The following RSRP1 variants were observed in gnomAD, a reference collection of about 807,000 sequenced individuals.
The protein encoded by RSRP1 is arginine/serine-rich protein 1.
A neutral mutation model predicts 33.0 loss-of-function variants in RSRP1; 37 were observed. The observed-to-expected ratio is 1.12, with a 90% CI of 0.86 to 1.48. RSRP1 has a LOEUF of 1.48. Ranked by LOEUF, RSRP1 falls within the 40% of genes most tolerant of loss-of-function variation. The pLI is 0.00. For missense variants in RSRP1, 402 were observed against 385.3 expected, an observed-to-expected ratio of 1.04 and a Z score of -0.36; for synonymous variants, 167 against 158.7, an observed-to-expected ratio of 1.05 and a Z score of -0.40.
Position 25,296,878 on chromosome 1 carries a change from A to T in RSRP1, c.-67+41100T>A, listed in dbSNP as rs1304250009. Among the ~76,000 whole-genome samples, 2 of 129,282 alleles carry T rather than the reference A, an allele frequency of 1.5e-5. 1 individual carries two copies. Among genetic ancestry groups the T allele is most frequent in the African/African-American group, 5.3e-5 (2 of 37,680 alleles). 84.8% of individuals were successfully genotyped at this position (129,282 alleles called of 152,430 possible). On this transcript the variant is annotated intron_variant, in intron 1 of 1. Coordinates refer to the RSRP1 transcript ENST00000561867. ...TCAATTCAGCCTCTTTTGTTTATAA[A>T]TTACGCAGTCTCAGGAAGTATCTTT...
rs1333382691 is a variant in RSRP1, at chr1:25,293,130, T to C, written c.-67+44848A>G. Among the ~76,000 whole-genome samples, 3 of 131,478 alleles carry C rather than the reference T, an allele frequency of 2.3e-5. 1 individual carries two copies. The highest frequency in any genetic ancestry group is 7.9e-5 in the African/African-American group (3 of 37,914). The allele number at this position is 131,478 out of a possible 152,430, so 86.3% of individuals were successfully genotyped here. ...GCTTGACTGATTCAAGAGCAGGAGA[T>C]GAGAAAGTGGAGACAGCATGCAGGG... On this transcript the variant is annotated intron_variant, in intron 1 of 1. Coordinates refer to the RSRP1 transcript ENST00000561867.
At position 25,322,225 on chromosome 1, in the gene RSRP1, AC is replaced by A. The variant is rs1644748189; in HGVS notation, c.-67+15752del. On this transcript the variant is annotated intron_variant, in intron 1 of 1. Transcript: ENST00000561867. ...GGATGAGACAGCTTTCACTGGCCAC[AC>A]TTCCCCTCCCCCTATCTGCAGTCCT... Among the ~76,000 whole-genome samples the A allele has an allele frequency of 1.5e-5, 2 of 132,024 alleles. 1 individual carries two copies. Among genetic ancestry groups the A allele is most frequent in the East Asian group, 3.9e-4 (2 of 5,134 alleles). 86.6% of individuals were successfully genotyped at this position (132,024 alleles called of 152,430 possible). A position where few individuals can be genotyped will look rare whatever the true frequency, so the allele number is the denominator to read the frequency against.
intron 1 of RSRP1, among the ~76,000 whole-genome samples, chr1:25,319,376 G>A (rs868684605): frequency 2.1e-4 from 28 of 131,298 alleles, no homozygotes; most frequent in African/African-American, 6.1e-4. Context: ...AGCACCTTGG[G>A]AAGCTGAGGT....
At position 25,287,050 on chromosome 1, in the gene RSRP1, A is replaced by G. The variant is rs55836302; in HGVS notation, c.-66-40021T>C. Among the ~76,000 whole-genome samples, 1,346 of 134,932 alleles carry G rather than the reference A, an allele frequency of 1.0e-2. 197 individuals are homozygous for G. Among genetic ancestry groups the G allele is most frequent in the African/African-American group, 0.031 (1,226 of 39,116 alleles). 88.5% of individuals were successfully genotyped at this position (134,932 alleles called of 152,430 possible). A position where few individuals can be genotyped will look rare whatever the true frequency, so the allele number is the denominator to read the frequency against. ...GGAGGCTATAGTGAGCCGAGATCGC[A>G]CCATTGCACTGTAGCCTGGGCGACA... On this transcript the variant is annotated intron_variant, in intron 1 of 1. Transcript: ENST00000561867.
chr1:25,277,113 A>C (rs1193474989), intron 1 of RSRP1, among the ~76,000 whole-genome samples: 1 of 132,928 alleles, frequency 7.5e-6, no homozygotes, highest in South Asian at 2.3e-4. Context: ...CCCTGCCATT[A>C]GTTGCAATAT....
At chr1:25,259,330 T>C (rs1270144232) in intron 1 of RSRP1, among the ~76,000 whole-genome samples, 1 of 152,026 alleles carries the variant, frequency 6.6e-6, no homozygotes, top group Non-Finnish European at 1.5e-5. Context: ...TGACCTCAAG[T>C]GATCTGCCTG....
At chr1:25,278,469 G>A (rs1641204335) in intron 1 of RSRP1, among the ~76,000 whole-genome samples, 1 of 131,412 alleles carries the variant, frequency 7.6e-6, no homozygotes, top group Admixed American at 7.4e-5. Flanking sequence ...GCAACAACTG[G>A]GCTGGGTTCA....
upstream of RSRP1, among the ~76,000 whole-genome samples, chr1:25,249,570 G>GAC (rs1639713244): frequency 6.6e-6 from 1 of 152,174 alleles, no homozygotes; most frequent in African/African-American, 2.4e-5. Context: ...TTGAACTCCT[G>GAC]ACCTCAAGTG....
chr1:25,313,702 C>G lies in RSRP1; in HGVS notation c.-67+24276G>C, dbSNP rs568796058. 3.0e-4 allele frequency among the ~76,000 whole-genome samples: 40 copies of G among 132,162 alleles called. No individual in the cohort carries two copies. In the East Asian group the frequency reaches 7.8e-3, roughly 26 times the overall value. The allele number at this position is 132,162 out of a possible 152,430, so 86.7% of individuals were successfully genotyped here. A position where few individuals can be genotyped will look rare whatever the true frequency, so the allele number is the denominator to read the frequency against. The stretch of plus-strand genomic sequence containing the variant: ...AAGAGAGGGGGAACTGGGACTATGC[C>G]TTTATGAAAAAGAGTGGTGGGAGAG... On this transcript the variant is annotated intron_variant, in intron 1 of 1. Transcript: ENST00000561867.
At chr1:25,247,115 A>T (rs1639513041) in intron 1 of RSRP1, 86 bp from the exon 2 acceptor site, 1 of 852,020 alleles carries the variant, frequency 1.2e-6, no homozygotes, top group African/African-American at 1.7e-5. Context: ...AACCTCCGGG[A>T]GGCGGAGCCA....
At position 25,314,735 on chromosome 1, in the gene RSRP1, G is replaced by A. The variant is rs187948473; in HGVS notation, c.-67+23243C>T. Among the ~76,000 whole-genome samples, 23 of 131,490 alleles carry A rather than the reference G, an allele frequency of 1.7e-4. 6 individuals carry two copies. The highest frequency in any genetic ancestry group is 3.6e-4 in the Non-Finnish European group (20 of 55,424). 86.3% of individuals were successfully genotyped at this position (131,490 alleles called of 152,430 possible). A position where few individuals can be genotyped will look rare whatever the true frequency, so the allele number is the denominator to read the frequency against. ...TGGACAGGCTGATCTTGGACTCCTG[G>A]CCTCAACTTTGGCCCACCTTGGCCT... On this transcript the variant is annotated intron_variant, in intron 1 of 1. Coordinates refer to the RSRP1 transcript ENST00000561867.
intron 3 of RSRP1, chr1:25,244,396 G>A (rs772765825): frequency 4.0e-5 from 51 of 1,289,218 alleles, no homozygotes; most frequent in Non-Finnish European, 5.2e-5. Context: ...TAAGTTTTCA[G>A]TGTGTGAACA....
At position 25,242,493 on chromosome 1, in the gene RSRP1, A is replaced by C; in HGVS notation, c.*96T>G. On this transcript the variant is annotated 3_prime_UTR_variant, in exon 5 of 5. Transcript: ENST00000243189. ...TGTGTTGGTTTTTAAATGCACAAGT[A>C]CCCCTGAATGGCTCAAAGGGATGGG... The C allele has an allele frequency of 1.4e-6, 1 of 697,898 alleles. No homozygotes were observed. Among genetic ancestry groups the C allele is most frequent in the Non-Finnish European group, 2.5e-6 (1 of 403,364 alleles). 43.2% of individuals were successfully genotyped at this position (697,898 alleles called of 1,614,324 possible).
chr1:25,287,889 AT>A (rs1642180502), intron 1 of RSRP1, among the ~76,000 whole-genome samples: 1 of 126,228 alleles, frequency 7.9e-6, no homozygotes, highest in South Asian at 2.5e-4. Flanking sequence ...TGCCCTGCTA[AT>A]TTTTGTATTT....
At chr1:25,286,289 G>A (rs1231284433) in intron 1 of RSRP1, among the ~76,000 whole-genome samples, 1 of 135,458 alleles carries the variant, frequency 7.4e-6, no homozygotes, top group Non-Finnish European at 1.8e-5. Flanking sequence ...AGAAGTTTAA[G>A]ACCAGCCTGA....
upstream of RSRP1, among the ~76,000 whole-genome samples, chr1:25,250,749 G>C (rs534912603): frequency 6.6e-6 from 1 of 152,288 alleles, no homozygotes; most frequent in East Asian, 1.9e-4. Context: ...GGTGGCTCAC[G>C]CCTGTAATCC....
chr1:25,297,639 G>A (rs1643062166), intron 1 of RSRP1, among the ~76,000 whole-genome samples: 1 of 131,516 alleles, frequency 7.6e-6, no homozygotes, highest in African/African-American at 2.6e-5. Flanking sequence ...ACTCATCTAT[G>A]TACTTATTTA....
At chr1:25,251,711 T>C (rs1229676841), upstream of RSRP1, among the ~76,000 whole-genome samples, 1 of 152,104 alleles carries the variant, frequency 6.6e-6, no homozygotes, top group Non-Finnish European at 1.5e-5. Flanking sequence ...AAACTAATTT[T>C]TTATCAGGTA....
At chr1:25,284,006 C>T (rs1007944841) in intron 1 of RSRP1, among the ~76,000 whole-genome samples, 3 of 134,810 alleles carry the variant, frequency 2.2e-5, no homozygotes, top group East Asian at 1.9e-4. Flanking sequence ...TTTCTGCCAG[C>T]CAGCTCACCA....
Sources: gnomAD v4.1 joint callset for allele counts (sites outside exome capture counted in the v4.1 genomes callset) on GRCh38, gnomAD v4.1.1 for gene constraint, MANE v1.5 for transcripts, NCBI Gene and HGNC (gene_info 2026-07-23, HGNC 2026-07-21) for gene names.